BOLA3: variants seen among roughly 807,000 people sequenced by gnomAD.
BOLA3 encodes the protein bolA-like protein 3.
In BOLA3, 8 loss-of-function variants were observed where a neutral mutation model predicts 14.5. The observed-to-expected ratio is 0.55, with a 90% CI of 0.32 to 0.99. BOLA3 has a LOEUF of 0.99. Ranked by LOEUF, BOLA3 falls within the 50% of genes least tolerant of loss-of-function variation. The probability of loss-of-function intolerance (pLI) is 0.04; values close to 1 mark genes in which losing one functional copy is unlikely to be tolerated. For missense variants in BOLA3, 115 were observed against 138.2 expected (o/e 0.83, Z 0.84); for synonymous variants, 42 against 45.7 (o/e 0.92, Z 0.33).
chr2:74,141,932 A>C (rs920251840), intron 3 of BOLA3, among the ~76,000 whole-genome samples: 3 of 152,208 alleles, frequency 2.0e-5, no homozygotes, highest in African/African-American at 7.2e-5. Flanking sequence ...GAGAGGCCAA[A>C]AAACCCCTCT....
At chr2:74,147,568 C>T (rs1692569849) in intron 1 of BOLA3, 1 of 562,536 alleles carries the variant, frequency 1.8e-6, no homozygotes, top group Admixed American at 3.2e-5. Context: ...TGTGTCTGTC[C>T]GCCTGACCTC....
At chr2:74,136,452 A>G (rs1558819749) in intron 3 of BOLA3, among the ~76,000 whole-genome samples, 1 of 151,972 alleles carries the variant, frequency 6.6e-6, no homozygotes, top group Non-Finnish European at 1.5e-5. Context: ...ACATTTTGAG[A>G]TTTTTTTTGA....
chr2:74,137,003 A>T (rs532269117), intron 3 of BOLA3, among the ~76,000 whole-genome samples: 3 of 152,120 alleles, frequency 2.0e-5, no homozygotes, highest in Non-Finnish European at 4.4e-5. Context: ...TAATCAGTAC[A>T]GAGGAAGAAA....
rs767275380 is a variant in BOLA3, at chr2:74,142,237, G to C, written c.258+35C>G. ...TTGGCAGGCCCCTTTGGAGGCTGAA[G>C]GCCAGTGGCAAGGGGCACTGTTGCC... On this transcript the variant is annotated intron_variant, in intron 3 of 3. Transcript: ENST00000327428. 3 of 1,513,412 alleles carry C rather than the reference G, an allele frequency of 2.0e-6. No homozygotes were observed. The South Asian group carries it at 3.4e-5, about 17-fold the overall frequency. The allele number at this position is 1,513,412 out of a possible 1,614,324, so 93.7% of individuals were successfully genotyped here. A position where few individuals can be genotyped will look rare whatever the true frequency, so the allele number is the denominator to read the frequency against.
intron 3 of BOLA3, among the ~76,000 whole-genome samples, chr2:74,138,910 C>T (rs545950404): frequency 3.9e-5 from 6 of 152,304 alleles, no homozygotes; most frequent in Admixed American, 1.3e-4. Context: ...CAGTGATCAC[C>T]GTGGCTACCT....
At chr2:74,138,442 G>C (rs923196896) in intron 3 of BOLA3, among the ~76,000 whole-genome samples, 1 of 152,256 alleles carries the variant, frequency 6.6e-6, no homozygotes, top group Admixed American at 6.5e-5. Flanking sequence ...CTGCACTGGT[G>C]ACTGGGGTGG....
chr2:74,147,589 C>G, intron 1 of BOLA3: 1 of 574,710 alleles, frequency 1.7e-6, no homozygotes, highest in Admixed American at 3.1e-5. Flanking sequence ...CAACCTCCAC[C>G]CAGCTCGGGA....
At chr2:74,140,527 A>T (rs1692420235) in intron 3 of BOLA3, among the ~76,000 whole-genome samples, 1 of 152,050 alleles carries the variant, frequency 6.6e-6, no homozygotes, top group African/African-American at 2.4e-5. Context: ...CCTGCTTTCG[A>T]GGGGGAATGA....
intron 2 of BOLA3, 56 bp downstream of exon 2, chr2:74,145,133 C>A: frequency 9.8e-7 from 1 of 1,015,762 alleles, no homozygotes; most frequent in South Asian, 1.3e-5. Context: ...ACCCTCTGTC[C>A]TTCCAAAGGG....
At chr2:74,144,933 C>T (rs998001975) in intron 2 of BOLA3, among the ~76,000 whole-genome samples, 11 of 152,280 alleles carry the variant, frequency 7.2e-5, no homozygotes, top group African/African-American at 2.4e-4. Flanking sequence ...CTGAGAGGGA[C>T]CTTGTCTGAG....
chr2:74,141,818 G>A (rs1352435010), intron 3 of BOLA3, among the ~76,000 whole-genome samples: 2 of 152,146 alleles, frequency 1.3e-5, no homozygotes, highest in African/African-American at 2.4e-5. Flanking sequence ...CTGGTTGAAC[G>A]TGATGTTCCA....
chr2:74,136,769 A>C (rs1415318524), intron 3 of BOLA3, among the ~76,000 whole-genome samples: 1 of 152,234 alleles, frequency 6.6e-6, no homozygotes, highest in Non-Finnish European at 1.5e-5. Flanking sequence ...AGCATTCTTT[A>C]AAATGAGCAG....
intron 3 of BOLA3, among the ~76,000 whole-genome samples, chr2:74,135,943 TG>T (rs1456739038): frequency 7.0e-6 from 1 of 143,374 alleles, no homozygotes; most frequent in Non-Finnish European, 1.5e-5. Flanking sequence ...TAGTTTCTTG[TG>T]TATCTTTTTT....
intron 3 of BOLA3, among the ~76,000 whole-genome samples, chr2:74,140,764 G>T (rs1272031267): frequency 6.6e-6 from 1 of 152,214 alleles, no homozygotes; most frequent in East Asian, 1.9e-4. Context: ...GTGTCGGGCA[G>T]TGTTGTCAGT....
At chr2:74,145,136 C>G in intron 2 of BOLA3, 53 bp downstream of exon 2, 3 of 1,074,034 alleles carry the variant, frequency 2.8e-6, no homozygotes, top group Middle Eastern at 2.8e-4. Flanking sequence ...CTCTGTCCTT[C>G]CAAAGGGCAA....
At chr2:74,139,618 C>T (rs202123442) in intron 3 of BOLA3, among the ~76,000 whole-genome samples, 5 of 152,198 alleles carry the variant, frequency 3.3e-5, no homozygotes, top group Admixed American at 6.5e-5. Context: ...TCTTCTCATG[C>T]GACTGTCAAA....
intron 3 of BOLA3, 141 bp downstream of exon 3, chr2:74,142,131 C>T: frequency 1.5e-6 from 1 of 680,644 alleles, no homozygotes; most frequent in South Asian, 1.6e-5. Flanking sequence ...TTCGATTTTT[C>T]TCAGGTCTTG....
chr2:74,145,393 C>G, intron 1 of BOLA3, 90 bp from the exon 2 acceptor site: 1 of 835,206 alleles, frequency 1.2e-6, no homozygotes, highest in African/African-American at 1.7e-5. Flanking sequence ...GCCATTCCCC[C>G]TGCAAGGCAG....
At chr2:74,142,452 C>T (rs1314882350) in intron 2 of BOLA3, 92 bp from the exon 3 acceptor site, 107 of 980,366 alleles carry the variant, frequency 1.1e-4, no homozygotes, top group Non-Finnish European at 1.5e-4. Flanking sequence ...ATCCAAAGGT[C>T]TGAATATTAT....
Sources: allele counts gnomAD v4.1 joint callset (sites outside exome capture counted in the v4.1 genomes callset), GRCh38; gene constraint gnomAD v4.1.1; transcripts MANE v1.5; gene names NCBI Gene and HGNC (gene_info 2026-07-23, HGNC 2026-07-21).